TBL1X: variants seen among roughly 807,000 people sequenced by gnomAD.
The protein encoded by TBL1X is transducin beta like 1 X-linked.
Under a neutral mutation model 50.7 loss-of-function variants are expected in TBL1X, and 10 were observed. The ratio of observed to expected loss-of-function variants is 0.20; its 90% CI spans 0.12 to 0.33. TBL1X has a LOEUF of 0.33. Ranked by LOEUF, TBL1X falls within the 10% of genes least tolerant of loss-of-function variation. The pLI, the probability that TBL1X is intolerant of heterozygous loss-of-function variation, is 1.00. For missense variants in TBL1X, 340 were observed against 504.4 expected (o/e 0.67, Z 3.12); for synonymous variants, 190 against 214.7 (o/e 0.88, Z 1.01).
At chrX:9,640,538 T>C (rs2082770303) in intron 3 of TBL1X, among the ~76,000 whole-genome samples, 178 bp downstream of exon 3, 1 of 112,632 alleles carries the variant, frequency 8.9e-6, no homozygotes, top group Non-Finnish European at 1.9e-5. Context: ...CATTAAATCA[T>C]TGCGAGCTGC....
intron 2 of TBL1X, among the ~76,000 whole-genome samples, chrX:9,524,827 G>A (rs1475541361): frequency 1.8e-5 from 2 of 112,126 alleles, no homozygotes; most frequent in Admixed American, 1.9e-4. Context: ...TCGTGACTCA[G>A]TGTAGCCTTG....
At chrX:9,644,894 G>C (rs2082795698) in intron 3 of TBL1X, 1 of 111,912 alleles carries the variant, frequency 8.9e-6, no homozygotes, top group Non-Finnish European at 1.9e-5. Flanking sequence ...CTGGCCTCAA[G>C]TAATCAGCCC....
At chrX:9,572,783 G>A (rs1156845834) in intron 2 of TBL1X, among the ~76,000 whole-genome samples, 2 of 112,565 alleles carry the variant, frequency 1.8e-5, no homozygotes, top group African/African-American at 3.2e-5. Context: ...AGATAACAAA[G>A]CCCTTCCGAT....
intron 2 of TBL1X, among the ~76,000 whole-genome samples, chrX:9,538,156 G>A (rs2082198439): frequency 8.9e-6 from 1 of 111,842 alleles, no homozygotes; most frequent in Admixed American, 9.5e-5. Context: ...CTTGATGTCT[G>A]GAGGTTCCGT....
At chrX:9,705,441 AT>A (rs1455253444) in intron 13 of TBL1X, among the ~76,000 whole-genome samples, 9 of 111,008 alleles carry the variant, frequency 8.1e-5, no homozygotes, top group African/African-American at 2.9e-4. Flanking sequence ...TCTGCAGTGA[AT>A]AGAAAAAAAA....
rs1173391297 is a variant in TBL1X, at chrX:9,535,671, A to G, written c.-131+33822A>G. On this transcript the variant is annotated intron_variant, in intron 2 of 17. Transcript: ENST00000645353. Reference sequence around the variant, plus strand: ...CAAATCTGGCTCTGATGTCTTGTCAAAATTAATGTTAAAGGACAGTGCCCT... The same window carrying G: ...CAAATCTGGCTCTGATGTCTTGTCAGAATTAATGTTAAAGGACAGTGCCCT... Among the ~76,000 whole-genome samples, 9 of 112,393 alleles carry G rather than the reference A, an allele frequency of 8.0e-5. No individual in the cohort carries two copies. In the Admixed American group the frequency reaches 8.5e-4, roughly 11 times the overall value.
rs1286543417 is a variant in TBL1X at position 9,495,264 on chromosome X, T to A, written c.-200-6516T>A. On this transcript the variant is annotated intron_variant, in intron 1 of 17. Transcript: ENST00000645353. ...ATCCTACAAGTATGTAGCCCTGATT[T>A]AGTAGAGAAGAGGCAGGAATTGTCG... Among the ~76,000 whole-genome samples, 5 of 111,592 alleles carry A rather than the reference T, an allele frequency of 4.5e-5. No homozygotes were observed. In the Admixed American group the frequency reaches 4.8e-4, roughly 11 times the overall value.
chrX:9,668,194 C>T (rs189108753), intron 5 of TBL1X, among the ~76,000 whole-genome samples: 15 of 111,165 alleles, frequency 1.3e-4, no homozygotes, highest in African/African-American at 4.9e-4. Flanking sequence ...ACAGAGACGA[C>T]CAGAATTCCT....
intron 16 of TBL1X, among the ~76,000 whole-genome samples, chrX:9,713,875 G>T (rs2083263390): frequency 9.0e-6 from 1 of 110,539 alleles, no homozygotes; most frequent in Non-Finnish European, 1.9e-5. Context: ...ATTGAGCAGA[G>T]GATTTGGGAC....
At position 9,719,564 on chromosome X, in the gene TBL1X, G is replaced by A. The variant is rs1391541460; in HGVS notation, c.*3318G>A. ...ACATGTTCTCTATTGGCATTTTTCC[G>A]ATTCTGTTCAGATGACAGCGACCGC... On this transcript the variant is annotated 3_prime_UTR_variant, in exon 18 of 18. Transcript: ENST00000645353. The A allele has an allele frequency of 3.6e-5, 4 of 110,265 alleles. No homozygotes were observed. Among genetic ancestry groups the A allele is most frequent in the African/African-American group, 6.6e-5 (2 of 30,120 alleles). 9.1% of individuals were successfully genotyped at this position (110,265 alleles called of 1,213,427 possible). A position where few individuals can be genotyped will look rare whatever the true frequency, so the allele number is the denominator to read the frequency against.
At chrX:9,667,035 G>A (rs746090010) in intron 5 of TBL1X, among the ~76,000 whole-genome samples, 3 of 111,916 alleles carry the variant, frequency 2.7e-5, no homozygotes, top group South Asian at 7.5e-4. Context: ...TTAAACAAGC[G>A]GGAGGATCAC....
intron 2 of TBL1X, among the ~76,000 whole-genome samples, chrX:9,580,794 A>T (rs1381129061): frequency 9.0e-6 from 1 of 111,582 alleles, no homozygotes; most frequent in East Asian, 2.8e-4. Context: ...TACCAATAGA[A>T]AGGAATGTCT....
chrX:9,669,227 C>G (rs1277806482), intron 5 of TBL1X, among the ~76,000 whole-genome samples: 1 of 111,299 alleles, frequency 9.0e-6, no homozygotes, highest in South Asian at 3.8e-4. Context: ...GAAGCTTATT[C>G]CTCGTAATAT....
chrX:9,506,848 C>T (rs1382884149), intron 2 of TBL1X, among the ~76,000 whole-genome samples: 1 of 111,865 alleles, frequency 8.9e-6, no homozygotes, highest in African/African-American at 3.3e-5. Flanking sequence ...TGAATTCTAC[C>T]AGAAATACAG....
At chrX:9,662,437 C>G (rs2082904115) in intron 5 of TBL1X, among the ~76,000 whole-genome samples, 1 of 112,001 alleles carries the variant, frequency 8.9e-6, no homozygotes, top group Admixed American at 9.4e-5. Context: ...CTTGAAGACA[C>G]TATGCCAAGT....
At chrX:9,513,538 C>T (rs2082067463) in intron 2 of TBL1X, among the ~76,000 whole-genome samples, 1 of 111,620 alleles carries the variant, frequency 9.0e-6, no homozygotes, top group Non-Finnish European at 1.9e-5. Flanking sequence ...GTAGGAGGTA[C>T]CCAGTAAATT....
At chrX:9,511,603 C>T (rs906741495) in intron 2 of TBL1X, among the ~76,000 whole-genome samples, 3 of 112,393 alleles carry the variant, frequency 2.7e-5, no homozygotes, top group African/African-American at 6.5e-5. Flanking sequence ...AGGTTAAATA[C>T]GTTTTATTTC....
intron 2 of TBL1X, among the ~76,000 whole-genome samples, chrX:9,519,565 G>A (rs1346799323): frequency 8.9e-6 from 1 of 112,365 alleles, no homozygotes; most frequent in Non-Finnish European, 1.9e-5. Flanking sequence ...GACTTGGGCT[G>A]TATCCCATTT....
At chrX:9,474,924 A>C (rs2081840139) in intron 1 of TBL1X, among the ~76,000 whole-genome samples, 1 of 112,338 alleles carries the variant, frequency 8.9e-6, no homozygotes, top group South Asian at 3.7e-4. Context: ...CCTAGGCTAG[A>C]GTGTAGTGGC....
Sources: gnomAD v4.1 joint callset for allele counts (sites outside exome capture counted in the v4.1 genomes callset) on GRCh38, gnomAD v4.1.1 for gene constraint, MANE v1.5 for transcripts, NCBI Gene and HGNC (gene_info 2026-07-23, HGNC 2026-07-21) for gene names.